The following IFT52 variants were observed in gnomAD, a reference collection of about 807,000 sequenced individuals.
IFT52 encodes intraflagellar transport protein 52 homolog.
A neutral mutation model predicts 54.4 loss-of-function variants in IFT52; 44 were observed. The ratio of observed to expected loss-of-function variants is 0.81; its 90% CI spans 0.63 to 1.04. The LOEUF (loss-of-function observed/expected upper bound fraction) is 1.04. Ranked by LOEUF, IFT52 falls within the 50% of genes least tolerant of loss-of-function variation. IFT52 has a pLI of 0.00. For synonymous variants in IFT52, 181 were observed against 185.3 expected (o/e 0.98, Z 0.19); for missense variants, 452 against 523.6 (o/e 0.86, Z 1.33).
intron 12 of IFT52, 64 bp from the exon 13 acceptor site, chr20:43,642,415 A>G: frequency 6.8e-7 from 1 of 1,475,800 alleles, no homozygotes. Context: ...GAAACACACT[A>G]AGTCTGTACT....
intron 10 of IFT52, among the ~76,000 whole-genome samples, chr20:43,625,313 A>T (rs1984635874): frequency 6.6e-6 from 1 of 152,096 alleles, no homozygotes; most frequent in African/African-American, 2.4e-5. Context: ...GTTCGAGACC[A>T]GCCTGGCCAA....
intron 12 of IFT52, among the ~76,000 whole-genome samples, chr20:43,639,708 G>A (rs1014831805): frequency 2.0e-5 from 3 of 151,782 alleles, no homozygotes; most frequent in Non-Finnish European, 2.9e-5. Context: ...GTGCGGTGAC[G>A]CATTTCTATA....
intron 3 of IFT52, among the ~76,000 whole-genome samples, chr20:43,600,508 G>T (rs1410666041): frequency 6.6e-6 from 1 of 152,004 alleles, no homozygotes; most frequent in African/African-American, 2.4e-5. Context: ...GTTTCACCGT[G>T]TTAGCCAGGG....
chr20:43,630,130 A>G (rs1985056925), intron 10 of IFT52, among the ~76,000 whole-genome samples: 1 of 152,130 alleles, frequency 6.6e-6, no homozygotes, highest in Non-Finnish European at 1.5e-5. Context: ...TCCTGGCTGC[A>G]TGTTTGGCTC....
Position 43,606,064 on chromosome 20 carries a change from T to C in IFT52, c.485+991T>C, listed in dbSNP as rs1982849969. Among the ~76,000 whole-genome samples the C allele has an allele frequency of 2.6e-5, 4 of 151,718 alleles. No individual in the cohort carries two copies. The South Asian group carries it at 8.3e-4, about 32-fold the overall frequency. The stretch of plus-strand genomic sequence containing the variant: ...GGCGAAACCCCGTCTTTACTAAAAA[T>C]AGAAAATTTAGCTGTGCGTGGTAGT... On this transcript the variant is annotated intron_variant, in intron 6 of 13. Coordinates refer to ENST00000373030, the MANE Select transcript of IFT52 (RefSeq NM_016004.5).
Position 43,605,087 on chromosome 20 carries a change from C to G in IFT52, c.485+14C>G. 1.2e-6 allele frequency: 2 copies of G among 1,612,494 alleles called. No individual in the cohort carries two copies. Among genetic ancestry groups the G allele is most frequent in the Non-Finnish European group, 1.7e-6 (2 of 1,179,522 alleles). ...AAACAATGCCCAGTGAGTGTGTTTT[C>G]TGATGCCACATGAGGAAGATGTATC... On this transcript the variant is annotated intron_variant, in intron 6 of 13. Coordinates refer to ENST00000373030, the MANE Select transcript of IFT52 (RefSeq NM_016004.5).
At chr20:43,605,746 C>T (rs1191003316) in intron 6 of IFT52, among the ~76,000 whole-genome samples, 1 of 152,062 alleles carries the variant, frequency 6.6e-6, no homozygotes, top group Non-Finnish European at 1.5e-5. Flanking sequence ...TGTCAAGCAT[C>T]GACTGTGTGA....
rs780543091 is a variant in IFT52, at chr20:43,596,515, C to T, written c.200C>T (p.Ala67Val). 20 of 1,588,516 alleles carry T rather than the reference C, an allele frequency of 1.3e-5. No homozygotes were observed. Among genetic ancestry groups the T allele is most frequent in the Non-Finnish European group, 1.7e-5 (20 of 1,157,694 alleles). ...GCTGGGCCAAGGGAAAAATTTACTG[C>T]AGCTGAGGTAAGAAATATCCACTAA... ...ITAGPREKFT[A>V]AEFEILKKYL... Residue 67 changes from alanine (A) to valine (V), a missense_variant, in exon 3 of 14, where the codon GCA becomes GTA. Coordinates refer to ENST00000373030, the MANE Select transcript of IFT52 (RefSeq NM_016004.5).
rs574537344 is a variant in IFT52 at position 43,614,056 on chromosome 20, G to A, written c.612+80G>A. 7.5e-6 allele frequency: 10 copies of A among 1,330,112 alleles called. No individual in the cohort carries two copies. The East Asian group carries it at 1.9e-4, about 25-fold the overall frequency. The allele number at this position is 1,330,112 out of a possible 1,614,324, so 82.4% of individuals were successfully genotyped here. On this transcript the variant is annotated intron_variant, in intron 7 of 13. Coordinates refer to ENST00000373030, the MANE Select transcript of IFT52 (RefSeq NM_016004.5). ...AAAACCACCTTACCATTTCCAGAAG[G>A]CTTCTATATGTTTTCTCACTGGTCT...
chr20:43,628,717 G>GGTGC (rs1157071210), intron 10 of IFT52, among the ~76,000 whole-genome samples: 1 of 152,132 alleles, frequency 6.6e-6, no homozygotes, highest in Admixed American at 6.6e-5. Context: ...CGAGCTTGGT[G>GGTGC]GTGCGCGCCT....
At chr20:43,626,985 T>C (rs1257845943) in intron 10 of IFT52, among the ~76,000 whole-genome samples, 1 of 151,740 alleles carries the variant, frequency 6.6e-6, no homozygotes, top group African/African-American at 2.4e-5. Context: ...GCCAACATGG[T>C]GAAACCCCAT....
At chr20:43,596,899 C>A (rs753112988) in intron 3 of IFT52, among the ~76,000 whole-genome samples, 1 of 151,458 alleles carries the variant, frequency 6.6e-6, no homozygotes, top group African/African-American at 2.4e-5. Context: ...CCCACCACCA[C>A]GCCCGGCTAA....
At chr20:43,642,397 G>A in intron 12 of IFT52, 82 bp from the exon 13 acceptor site, 1 of 1,254,962 alleles carries the variant, frequency 8.0e-7, no homozygotes, top group Non-Finnish European at 1.1e-6. Flanking sequence ...ACATGACAGG[G>A]CATACCTGAA....
intron 6 of IFT52, among the ~76,000 whole-genome samples, chr20:43,609,537 C>T (rs1028198601): frequency 6.6e-6 from 1 of 151,978 alleles, no homozygotes; most frequent in Non-Finnish European, 1.5e-5. Context: ...TTTGGGAGGC[C>T]GAGGTGGGCG....
At chr20:43,604,904 A>G (rs188805933) in intron 5 of IFT52, 98 bp from the exon 6 acceptor site, 22 of 1,272,260 alleles carry the variant, frequency 1.7e-5, no homozygotes, top group Admixed American at 1.4e-4. Flanking sequence ...GGCTTAAGCA[A>G]TCCTCCCACC....
At chr20:43,606,365 C>T (rs1982885137) in intron 6 of IFT52, among the ~76,000 whole-genome samples, 1 of 150,692 alleles carries the variant, frequency 6.6e-6, no homozygotes, top group Non-Finnish European at 1.5e-5. Flanking sequence ...CCTCCGCCTC[C>T]CAGGTTCAAG....
rs1157358039 is a variant in IFT52, at chr20:43,644,859, C to G, written c.1267-2077C>G. 3.5e-5 allele frequency among the ~76,000 whole-genome samples: 2 copies of G among 57,472 alleles called. 1 individual carries two copies. Among genetic ancestry groups the G allele is most frequent in the African/African-American group, 1.0e-4 (2 of 19,852 alleles). 37.7% of individuals were successfully genotyped at this position (57,472 alleles called of 152,430 possible). ...CTGTGGCTCACATCTGTAATCCCAACACTTTGGGAGGCTGAGGTGGGCGGA... is the reference window on the plus strand; with the variant it reads ...CTGTGGCTCACATCTGTAATCCCAAGACTTTGGGAGGCTGAGGTGGGCGGA... On this transcript the variant is annotated intron_variant, in intron 13 of 13. Transcript: ENST00000373030.
chr20:43,614,934 G>T (rs1013935194), intron 7 of IFT52, among the ~76,000 whole-genome samples: 1 of 149,686 alleles, frequency 6.7e-6, no homozygotes, highest in Admixed American at 6.7e-5. Flanking sequence ...TCAGCCTCCC[G>T]AGTAGCTGGG....
intron 9 of IFT52, among the ~76,000 whole-genome samples, chr20:43,621,669 G>T (rs537193898): frequency 7.9e-5 from 12 of 152,250 alleles, no homozygotes; most frequent in Non-Finnish European, 1.3e-4. Context: ...CACCATTTTG[G>T]CTAGGCTGGT....
Sources: gnomAD v4.1 joint callset for allele counts (sites outside exome capture counted in the v4.1 genomes callset) on GRCh38, gnomAD v4.1.1 for gene constraint, MANE v1.5 for transcripts, NCBI Gene and HGNC (gene_info 2026-07-23, HGNC 2026-07-21) for gene names.